Variants in FSTL5 observed in about 807,000 individuals in gnomAD.
FSTL5 encodes the protein follistatin like 5, also known as follistatin-related protein 5.
In FSTL5, 62 loss-of-function variants were observed where a neutral mutation model predicts 89.1. That is an observed-to-expected ratio of 0.70 (90% confidence interval 0.57 to 0.86). The LOEUF is 0.86. Ranked by LOEUF, FSTL5 falls within the 40% of genes least tolerant of loss-of-function variation. The pLI is 0.00. For missense variants in FSTL5, 1,057 were observed against 1,001.6 expected (o/e 1.06, Z -0.75); for synonymous variants, 383 against 346.2 (o/e 1.11, Z -1.18).
Position 161,498,507 on chromosome 4 carries a change from C to T in FSTL5, c.1458+1509G>A, listed in dbSNP as rs147059638. ...TGTCTCTAAATTTGCAAATCAGATT[C>T]CTGAAGTGATAGTTTTGTGATGAAG... On this transcript the variant is annotated intron_variant, in intron 12 of 15. Transcript: ENST00000306100. 1.3e-3 allele frequency among the ~76,000 whole-genome samples: 193 copies of T among 152,176 alleles called. 1 individual carries two copies. The highest frequency in any genetic ancestry group is 4.5e-3 in the African/African-American group (185 of 41,524).
At chr4:161,500,840 G>T (rs184314613) in intron 11 of FSTL5, among the ~76,000 whole-genome samples, 343 of 152,180 alleles carry the variant, frequency 2.3e-3, no homozygotes, top group Non-Finnish European at 4.1e-3. Flanking sequence ...CTAAATCCAT[G>T]TCTAAATGGG....
chr4:162,110,148 T>C (rs571253457), intron 2 of FSTL5, among the ~76,000 whole-genome samples: 37 of 152,078 alleles, frequency 2.4e-4, no homozygotes, highest in Non-Finnish European at 4.0e-4. Context: ...TTATACTTAC[T>C]TCCTTTTTTG....
chr4:161,956,829 T>C (rs982489495), intron 3 of FSTL5, among the ~76,000 whole-genome samples: 1 of 152,008 alleles, frequency 6.6e-6, no homozygotes, highest in African/African-American at 2.4e-5. Flanking sequence ...GAAGAAAATA[T>C]ATTTATTTAA....
At chr4:161,412,447 C>T (rs1731625640) in intron 15 of FSTL5, among the ~76,000 whole-genome samples, 1 of 151,710 alleles carries the variant, frequency 6.6e-6, no homozygotes, top group Admixed American at 6.6e-5. Flanking sequence ...GGGAACTGAA[C>T]AATGAGAACA....
intron 8 of FSTL5, among the ~76,000 whole-genome samples, chr4:161,567,018 T>C (rs78328079): frequency 6.6e-4 from 100 of 152,260 alleles, no homozygotes; most frequent in Non-Finnish European, 1.2e-3. Context: ...AAATTTACTA[T>C]GTATTACATG....
At chr4:162,122,290 C>A (rs1731898965) in intron 1 of FSTL5, among the ~76,000 whole-genome samples, 1 of 152,058 alleles carries the variant, frequency 6.6e-6, no homozygotes, top group African/African-American at 2.4e-5. Flanking sequence ...GGCTCATAAA[C>A]TGATTTTCTT....
At chr4:161,471,874 A>G (rs1733953367) in intron 13 of FSTL5, among the ~76,000 whole-genome samples, 1 of 152,126 alleles carries the variant, frequency 6.6e-6, no homozygotes, top group Admixed American at 6.5e-5. Context: ...TGCATTATCT[A>G]TAGAATTGGT....
intron 2 of FSTL5, among the ~76,000 whole-genome samples, chr4:162,057,088 T>TG (rs1207943063): frequency 6.6e-6 from 1 of 152,218 alleles, no homozygotes; most frequent in Non-Finnish European, 1.5e-5. Flanking sequence ...AAACAGGTCC[T>TG]GAAGGGACGG....
chr4:161,604,359 C>A (rs10857338), intron 7 of FSTL5, among the ~76,000 whole-genome samples: 101,450 of 151,868 alleles, frequency 0.67, 34,159 homozygotes, highest in African/African-American at 0.74. Flanking sequence ...ATCAGAAGAT[C>A]AAAACCACAC....
intron 3 of FSTL5, among the ~76,000 whole-genome samples, chr4:162,023,548 T>A (rs1737173539): frequency 6.6e-6 from 1 of 152,134 alleles, no homozygotes; most frequent in Non-Finnish European, 1.5e-5. Context: ...CAATCTCTGA[T>A]CATACCTTGG....
At chr4:161,526,380 C>T (rs548477627) in intron 10 of FSTL5, among the ~76,000 whole-genome samples, 1 of 152,166 alleles carries the variant, frequency 6.6e-6, no homozygotes, top group Admixed American at 6.5e-5. Flanking sequence ...ATGTATTATT[C>T]TTTACACCAG....
chr4:161,911,755 T>A (rs1439583333), intron 4 of FSTL5, among the ~76,000 whole-genome samples: 10 of 152,332 alleles, frequency 6.6e-5, no homozygotes, highest in East Asian at 1.9e-4. Flanking sequence ...ATTAATTTTT[T>A]AAAAATTGTT....
At chr4:161,616,269 G>A (rs1734864715) in intron 7 of FSTL5, among the ~76,000 whole-genome samples, 1 of 152,042 alleles carries the variant, frequency 6.6e-6, no homozygotes, top group Non-Finnish European at 1.5e-5. Flanking sequence ...TGTATTTTTA[G>A]AGATGGGGTT....
chr4:161,832,510 T>G (rs1730880607), intron 4 of FSTL5, among the ~76,000 whole-genome samples: 1 of 152,216 alleles, frequency 6.6e-6, no homozygotes, highest in Admixed American at 6.5e-5. Context: ...CATCTGGTCC[T>G]GGACTCTTTT....
intron 13 of FSTL5, among the ~76,000 whole-genome samples, chr4:161,475,951 C>T (rs1264593262): frequency 6.6e-6 from 1 of 151,924 alleles, no homozygotes; most frequent in African/African-American, 2.4e-5. Context: ...GACGGGGTTC[C>T]ACCGTGTTAG....
chr4:162,038,087 G>A (rs1262361334), intron 2 of FSTL5, among the ~76,000 whole-genome samples: 1 of 151,848 alleles, frequency 6.6e-6, no homozygotes, highest in Non-Finnish European at 1.5e-5. Context: ...GAAGACTTAG[G>A]TCTTGTCCAT....
intron 4 of FSTL5, among the ~76,000 whole-genome samples, chr4:161,885,686 C>T (rs1732785487): frequency 6.6e-6 from 1 of 152,106 alleles, no homozygotes; most frequent in Non-Finnish European, 1.5e-5. Flanking sequence ...TGTATTCAAG[C>T]AGTCCACCTG....
At chr4:161,706,737 G>A (rs1294060157) in intron 6 of FSTL5, among the ~76,000 whole-genome samples, 3 of 151,902 alleles carry the variant, frequency 2.0e-5, no homozygotes, top group Non-Finnish European at 4.4e-5. Flanking sequence ...TGTACACAGC[G>A]ACCTTTTAGG....
chr4:161,669,011 C>T (rs1268546664), intron 6 of FSTL5, among the ~76,000 whole-genome samples: 1 of 150,344 alleles, frequency 6.7e-6, no homozygotes, highest in Non-Finnish European at 1.5e-5. Context: ...GCTCAGGAGG[C>T]CGAGGCAGAA....
Sources: gnomAD v4.1 joint callset for allele counts (sites outside exome capture counted in the v4.1 genomes callset) on GRCh38, gnomAD v4.1.1 for gene constraint, MANE v1.5 for transcripts, NCBI Gene and HGNC (gene_info 2026-07-23, HGNC 2026-07-21) for gene names.